DHRS12: variants seen among roughly 807,000 people sequenced by gnomAD.
DHRS12 encodes dehydrogenase/reductase 12, also known as dehydrogenase/reductase SDR family member 12.
DHRS12 carries 29 observed loss-of-function variants against 32.1 expected under a neutral mutation model. The ratio of observed to expected loss-of-function variants is 0.90; its 90% CI spans 0.67 to 1.23. The LOEUF is 1.23. Ranked by LOEUF, DHRS12 falls within the 50% of genes most tolerant of loss-of-function variation. The probability of loss-of-function intolerance (pLI) is 0.00; values close to 1 mark genes in which losing one functional copy is unlikely to be tolerated. For synonymous variants in DHRS12, 150 were observed against 135.9 expected (o/e 1.10, Z -0.72); for missense variants, 330 against 337.2 (o/e 0.98, Z 0.17).
intron 2 of DHRS12, chr13:51,797,884 C>G (rs370315872): frequency 1.3e-6 from 2 of 1,535,856 alleles, no homozygotes; most frequent in Non-Finnish European, 1.7e-6. Flanking sequence ...GGCTTGATCT[C>G]GACAAACCAG....
chr13:51,758,227 A>C, the DHRS12 span: 1 of 1,596,666 alleles, frequency 6.3e-7, no homozygotes, highest in Non-Finnish European at 8.6e-7. Flanking sequence ...GACAGTAAAC[A>C]TAACATTGTG....
At chr13:51,758,278 C>A in the DHRS12 span, 1 of 1,595,200 alleles carries the variant, frequency 6.3e-7, no homozygotes, top group Non-Finnish European at 8.6e-7. Flanking sequence ...TTACTGACTT[C>A]TGGAACTGAC....
intron 4 of DHRS12, among the ~76,000 whole-genome samples, chr13:51,778,450 A>C (rs1168960042): frequency 6.6e-6 from 1 of 152,050 alleles, no homozygotes; most frequent in Non-Finnish European, 1.5e-5. Flanking sequence ...CTGGGTCGCT[A>C]ACAGCTGTTA....
Position 51,782,014 on chromosome 13 carries a change from G to T in DHRS12, c.302-4893C>A, listed in dbSNP as rs553276789. ...AGAGCAGGAGACAGACTGGGGACAC[G>T]TTGTGCAGAGAGTCCAAAGGCACGA... On this transcript the variant is annotated intron_variant, in intron 4 of 8. Transcript: ENST00000444610. This position sits in a 1 kb window ranked among gnomAD's most constrained non-coding sequence, Gnocchi z 4.2. Among the ~76,000 whole-genome samples, 1 of 152,180 alleles carries T rather than the reference G, an allele frequency of 6.6e-6. No individual in the cohort carries two copies. Among genetic ancestry groups the T allele is most frequent in the East Asian group, 1.9e-4 (1 of 5,188 alleles).
intron 7 of DHRS12, chr13:51,771,550 A>G: frequency 6.2e-7 from 1 of 1,604,154 alleles, no homozygotes; most frequent in Non-Finnish European, 8.5e-7. Context: ...GATATGCTGT[A>G]GTTAGCAGGG....
Position 51,791,258 on chromosome 13 carries a change from C to G in DHRS12, c.127-1G>C. The G allele has an allele frequency of 1.5e-6, 2 of 1,307,210 alleles. No homozygotes were observed. Among genetic ancestry groups the G allele is most frequent in the Non-Finnish European group, 2.0e-6 (2 of 977,530 alleles). The allele number at this position is 1,307,210 out of a possible 1,614,324, so 81.0% of individuals were successfully genotyped here. A position where few individuals can be genotyped will look rare whatever the true frequency, so the allele number is the denominator to read the frequency against. The stretch of plus-strand genomic sequence containing the variant: ...AGTCCACAATGTGCAGAAAAATGTT[C>G]TAAATTAGAAAGCAAAAAAAAAAAA... On this transcript the variant is annotated splice_acceptor_variant, in intron 2 of 8. Coordinates refer to ENST00000444610, the MANE Select transcript of DHRS12 (RefSeq NM_001377533.1). LOFTEE classifies it high-confidence loss of function.
At chr13:51,786,386 C>T (rs1323897107) in intron 4 of DHRS12, among the ~76,000 whole-genome samples, 2 of 152,174 alleles carry the variant, frequency 1.3e-5, no homozygotes, top group Admixed American at 1.3e-4. Flanking sequence ...CCTCTCCCAT[C>T]TGTCTTCACT....
At chr13:51,757,687 GT>G in the DHRS12 span, among the ~76,000 whole-genome samples, 1 of 151,454 alleles carries the variant, frequency 6.6e-6, no homozygotes, top group Middle Eastern at 3.4e-3. Flanking sequence ...TTTTTATTTT[GT>G]TTTGCTTGTT....
At chr13:51,785,438 T>C (rs1954911561) in intron 4 of DHRS12, among the ~76,000 whole-genome samples, 1 of 152,132 alleles carries the variant, frequency 6.6e-6, no homozygotes, top group African/African-American at 2.4e-5. Context: ...TGATTCTTGA[T>C]TTGGAGCTCT....
chr13:51,791,374 G>A (rs373173813), intron 2 of DHRS12, 117 bp from the exon 3 acceptor site: 52 of 547,976 alleles, frequency 9.5e-5, no homozygotes, highest in East Asian at 1.9e-4. Flanking sequence ...GATATAAAAC[G>A]GAAAATACCA....
chr13:51,798,051 AGCAAGG>A, intron 2 of DHRS12: 2 of 792,014 alleles, frequency 2.5e-6, no homozygotes, highest in South Asian at 3.4e-5. Context: ...AGTTAAGAGC[AGCAAGG>A]GCGATGGTGA....
At chr13:51,795,256 CA>C (rs750954584) in intron 2 of DHRS12, among the ~76,000 whole-genome samples, 1 of 152,228 alleles carries the variant, frequency 6.6e-6, no homozygotes, top group Non-Finnish European at 1.5e-5. Flanking sequence ...ACTGCCCTCA[CA>C]GCTCTACCAC....
chr13:51,787,263 AAAT>A (rs1247887565), intron 4 of DHRS12, among the ~76,000 whole-genome samples: 1 of 152,212 alleles, frequency 6.6e-6, no homozygotes, highest in East Asian at 1.9e-4. Context: ...TTAACCAGCT[AAAT>A]AATCAAATAG....
intron 8 of DHRS12, 116 bp downstream of exon 8, chr13:51,769,040 C>A (rs980573355): frequency 1.4e-6 from 2 of 1,467,796 alleles, no homozygotes; most frequent in South Asian, 1.4e-5. Flanking sequence ...GAAGCCCAGG[C>A]ACCCCCCAGG....
At chr13:51,793,071 C>T (rs2734) in intron 2 of DHRS12, among the ~76,000 whole-genome samples, 25,401 of 152,086 alleles carry the variant, frequency 0.17, 2,290 homozygotes, top group East Asian at 0.35. Flanking sequence ...TCACTGGACA[C>T]AGCCACCTCC....
chr13:51,768,637 AAG>A (rs1459482306), intron 8 of DHRS12: 13 of 1,137,858 alleles, frequency 1.1e-5, no homozygotes, highest in African/African-American at 1.6e-5. Context: ...GAACAGAGGA[AAG>A]AGAAGCCAAG....
chr13:51,783,232 C>T (rs1482676049), intron 4 of DHRS12, among the ~76,000 whole-genome samples: 4 of 152,044 alleles, frequency 2.6e-5, no homozygotes, highest in African/African-American at 4.8e-5. Flanking sequence ...TTCTAGTGGT[C>T]GAGGGGAAAT....
In DHRS12 at chr13:51,799,582, C is replaced by T; in HGVS notation, c.78G>A (p.Glu26=). 6.2e-7 allele frequency: 1 copy of T among 1,614,140 alleles called. No individual in the cohort carries two copies. The change falls in exon 2 of 9, where the codon GAG becomes GAA. Residue 26 remains glutamate (E), a synonymous_variant. Coordinates refer to ENST00000444610, the MANE Select transcript of DHRS12 (RefSeq NM_001377533.1). ...RFLEESFWSL[E]ETAALAKQLP... Reference sequence around the variant, plus strand: ...GTTGCTTTGCCAATGCCGCTGTTTCCTCCAGTGACCAAAAAGACTCTTCCA... The same window carrying T: ...GTTGCTTTGCCAATGCCGCTGTTTCTTCCAGTGACCAAAAAGACTCTTCCA...
Position 51,799,077 on chromosome 13 carries a change from G to A in DHRS12, c.126+457C>T, listed in dbSNP as rs564162287. 7.2e-5 allele frequency among the ~76,000 whole-genome samples: 11 copies of A among 152,268 alleles called. No individual in the cohort carries two copies. The South Asian group carries it at 2.1e-3, about 29-fold the overall frequency. On this transcript the variant is annotated intron_variant, in intron 2 of 8. Transcript: ENST00000444610. ...TGCACTCCTCTCTCCAGGTATTTTG[G>A]GGGCCTTGGTTCATAACTACCATCC...
Sources: gnomAD v4.1 joint callset for allele counts (sites outside exome capture counted in the v4.1 genomes callset) on GRCh38, gnomAD v4.1.1 for gene constraint, Gnocchi (gnomAD v3.1) non-coding constraint, MANE v1.5 for transcripts, NCBI Gene and HGNC (gene_info 2026-07-23, HGNC 2026-07-21) for gene names.